RFTN1: variants seen among roughly 807,000 people sequenced by gnomAD.
The protein encoded by RFTN1 is raftlin, lipid raft linker 1, also known as raftlin.
Under a neutral mutation model 46.5 loss-of-function variants are expected in RFTN1, and 26 were observed. The observed-to-expected ratio is 0.56, with a 90% CI of 0.41 to 0.78. RFTN1 has a LOEUF of 0.78. Ranked by LOEUF, RFTN1 falls within the 30% of genes least tolerant of loss-of-function variation. The pLI is 0.00. For synonymous variants in RFTN1, 261 were observed against 284.2 expected (o/e 0.92, Z 0.82); for missense variants, 693 against 718.7 (o/e 0.96, Z 0.41).
chr3:16,418,240 T>C lies in RFTN1; in HGVS notation c.333-8757A>G, dbSNP rs1367626837. Among the ~76,000 whole-genome samples, 3 of 152,184 alleles carry C rather than the reference T, an allele frequency of 2.0e-5. No individual in the cohort carries two copies. Among genetic ancestry groups the C allele is most frequent in the Non-Finnish European group, 4.4e-5 (3 of 68,012 alleles). ...ATGGGAAGATCTAAAATGAGGCCAC[T>C]AAAAAACAATTGCCTGTCGAAAAAC... On this transcript the variant is annotated intron_variant, in intron 3 of 9. Coordinates refer to ENST00000334133, the MANE Select transcript of RFTN1 (RefSeq NM_015150.2). The surrounding 1 kb of genome is among the most constrained non-coding windows in gnomAD (Gnocchi z 5.0).
rs1014198432 is a variant in RFTN1 at position 16,468,100 on chromosome 3, A to G, written c.145+25625T>C. Among the ~76,000 whole-genome samples, 1 of 152,164 alleles carries G rather than the reference A, an allele frequency of 6.6e-6. No homozygotes were observed. Among genetic ancestry groups the G allele is most frequent in the African/African-American group, 2.4e-5 (1 of 41,446 alleles). On this transcript the variant is annotated intron_variant, in intron 2 of 9. Transcript: ENST00000334133. This position sits in a 1 kb window ranked among gnomAD's most constrained non-coding sequence, Gnocchi z 4.4. The stretch of plus-strand genomic sequence containing the variant: ...GCTTACTCAAAACATAGAAACATCA[A>G]TATGGAGACTGCAGACCCCAGAATG...
chr3:16,490,427 G>C (rs148899004), intron 2 of RFTN1, among the ~76,000 whole-genome samples: 3 of 152,156 alleles, frequency 2.0e-5, no homozygotes, highest in South Asian at 2.1e-4. Flanking sequence ...CAGTGGGCAC[G>C]ACACACTGTC....
rs149938773 is a variant in RFTN1 at position 16,418,580 on chromosome 3, A to G, written c.333-9097T>C. Among the ~76,000 whole-genome samples the G allele has an allele frequency of 2.6e-5, 4 of 152,354 alleles. No individual in the cohort carries two copies. The highest frequency in any genetic ancestry group is 9.6e-5 in the African/African-American group (4 of 41,584). ...AAAAAAATACTAAACGTCAGTTGACAAAAACAAATTCTCTATCTCTGGGAA... is the reference window on the plus strand; with the variant it reads ...AAAAAAATACTAAACGTCAGTTGACGAAAACAAATTCTCTATCTCTGGGAA... On this transcript the variant is annotated intron_variant, in intron 3 of 9. Coordinates refer to ENST00000334133, the MANE Select transcript of RFTN1 (RefSeq NM_015150.2). This position sits in a 1 kb window ranked among gnomAD's most constrained non-coding sequence, Gnocchi z 5.0.
At chr3:16,471,802 T>A (rs2076200655) in intron 2 of RFTN1, among the ~76,000 whole-genome samples, 1 of 152,242 alleles carries the variant, frequency 6.6e-6, no homozygotes, top group Non-Finnish European at 1.5e-5. Context: ...TATTTTATTT[T>A]TAAACTATTT....
chr3:16,463,142 T>G (rs1306816229), intron 2 of RFTN1, among the ~76,000 whole-genome samples: 1 of 152,220 alleles, frequency 6.6e-6, no homozygotes, highest in Non-Finnish European at 1.5e-5. Context: ...TTCTTTTTAT[T>G]TATTATGCTT....
intron 5 of RFTN1, among the ~76,000 whole-genome samples, chr3:16,373,729 T>C (rs1244764943): frequency 6.6e-6 from 1 of 152,168 alleles, no homozygotes; most frequent in East Asian, 1.9e-4. Flanking sequence ...GGTCATTAGC[T>C]GCATTGGAAG....
In RFTN1 at chr3:16,316,780, G is replaced by A; in HGVS notation, c.*48C>T. 1 of 1,608,774 alleles carries A rather than the reference G, an allele frequency of 6.2e-7. No homozygotes were observed. Among genetic ancestry groups the A allele is most frequent in the Non-Finnish European group, 8.5e-7 (1 of 1,176,744 alleles). ...CCCCCAAACCAGCTGTTGGTAAGATGCCTTGGGTTTGGCAACTCACCTAGT... is the reference window on the plus strand; with the variant it reads ...CCCCCAAACCAGCTGTTGGTAAGATACCTTGGGTTTGGCAACTCACCTAGT... On this transcript the variant is annotated 3_prime_UTR_variant, in exon 10 of 10. Coordinates refer to ENST00000334133, the MANE Select transcript of RFTN1 (RefSeq NM_015150.2). This position sits in a 1 kb window ranked among gnomAD's most constrained non-coding sequence, Gnocchi z 4.5.
intron 5 of RFTN1, chr3:16,371,071 GTC>G (rs1246025129): frequency 6.6e-6 from 1 of 152,214 alleles, no homozygotes; most frequent in Non-Finnish European, 1.5e-5. Context: ...AAGTCTGAGA[GTC>G]TATTTTTGTG....
rs1250547113 is a variant in RFTN1 at position 16,440,194 on chromosome 3, T to C, written c.146-6157A>G. Among the ~76,000 whole-genome samples, 2 of 151,978 alleles carry C rather than the reference T, an allele frequency of 1.3e-5. No homozygotes were observed. Among genetic ancestry groups the C allele is most frequent in the African/African-American group, 4.8e-5 (2 of 41,370 alleles). ...TTTCTCCACTTTCTAATCTGTCAGG[T>C]TCTATAGTTTTTATCTACAGTGATC... is the stretch of plus-strand genomic sequence containing the variant. On this transcript the variant is annotated intron_variant, in intron 2 of 9. Coordinates refer to ENST00000334133, the MANE Select transcript of RFTN1 (RefSeq NM_015150.2). The surrounding 1 kb of genome is among the most constrained non-coding windows in gnomAD (Gnocchi z 4.6).
At chr3:16,366,825 C>T (rs796783233) in intron 6 of RFTN1, among the ~76,000 whole-genome samples, 2 of 148,590 alleles carry the variant, frequency 1.3e-5, no homozygotes, top group East Asian at 4.0e-4. Context: ...ATGGTCATCA[C>T]TATGCCCCTC....
rs2073672217 is a variant in RFTN1 at position 16,374,614 on chromosome 3, T to C, written c.826+3104A>G. ...TTTCTAAGCATTTTAAGTGAGGAGG[T>C]GCAGGGTAGGAAGGGCAGTGCTTGG... On this transcript the variant is annotated intron_variant, in intron 5 of 9. Transcript: ENST00000334133. This position sits in a 1 kb window ranked among gnomAD's most constrained non-coding sequence, Gnocchi z 5.4. 6.6e-6 allele frequency among the ~76,000 whole-genome samples: 1 copy of C among 152,058 alleles called. No homozygotes were observed.
chr3:16,474,622 T>C lies in RFTN1; in HGVS notation c.145+19103A>G, dbSNP rs2076252940. 6.6e-6 allele frequency among the ~76,000 whole-genome samples: 1 copy of C among 151,892 alleles called. No homozygotes were observed. Among genetic ancestry groups the C allele is most frequent in the Admixed American group, 6.6e-5 (1 of 15,254 alleles). On this transcript the variant is annotated intron_variant, in intron 2 of 9. Transcript: ENST00000334133. This position sits in a 1 kb window ranked among gnomAD's most constrained non-coding sequence, Gnocchi z 5.5. ...AGAGGTGAAGAAAAAAAAAATAGGC[T>C]CCCCTCCAATGCAATTTTTAAACCA...
Position 16,483,448 on chromosome 3 carries a change from CT to C in RFTN1, c.145+10276del, listed in dbSNP as rs1667889376. Among the ~76,000 whole-genome samples the C allele has an allele frequency of 6.6e-6, 1 of 152,170 alleles. No homozygotes were observed. The highest frequency in any genetic ancestry group is 2.4e-5 in the African/African-American group (1 of 41,440). Reference sequence around the variant, plus strand: ...AGACTTAAGCTGAGTCTGTTGACACCTGTTCTGTAGTGTCAACTGTAGGTGG... The same window carrying C: ...AGACTTAAGCTGAGTCTGTTGACACCGTTCTGTAGTGTCAACTGTAGGTGG... On this transcript the variant is annotated intron_variant, in intron 2 of 9. Coordinates refer to ENST00000334133, the MANE Select transcript of RFTN1 (RefSeq NM_015150.2). This position sits in a 1 kb window ranked among gnomAD's most constrained non-coding sequence, Gnocchi z 4.8.
chr3:16,386,185 A>T (rs1183353172), intron 4 of RFTN1, among the ~76,000 whole-genome samples: 5 of 138,558 alleles, frequency 3.6e-5, no homozygotes, highest in Non-Finnish European at 7.8e-5. Flanking sequence ...ATCTGTGCAT[A>T]CAGAAATGAT....
rs1333865897 is a variant in RFTN1, at chr3:16,474,654, C to G, written c.145+19071G>C. Among the ~76,000 whole-genome samples, 1 of 152,130 alleles carries G rather than the reference C, an allele frequency of 6.6e-6. No individual in the cohort carries two copies. The highest frequency in any genetic ancestry group is 6.5e-5 in the Admixed American group (1 of 15,284). ...CAATGCAATTTTTAAACCACTGATT[C>G]ACCATGCAATGCAGTGTTAAAGTCA... On this transcript the variant is annotated intron_variant, in intron 2 of 9. Coordinates refer to ENST00000334133, the MANE Select transcript of RFTN1 (RefSeq NM_015150.2). This position sits in a 1 kb window ranked among gnomAD's most constrained non-coding sequence, Gnocchi z 5.5.
At chr3:16,396,618 T>C (rs774461318) in intron 4 of RFTN1, among the ~76,000 whole-genome samples, 1 of 152,008 alleles carries the variant, frequency 6.6e-6, no homozygotes, top group African/African-American at 2.4e-5. Flanking sequence ...CCATTAGAGG[T>C]TTCATTGAGG....
rs1050626 is a variant in RFTN1, at chr3:16,315,897, G to T, written c.*931C>A. On this transcript the variant is annotated 3_prime_UTR_variant, in exon 10 of 10. Transcript: ENST00000334133. The stretch of plus-strand genomic sequence containing the variant: ...TATTGCCGTAAGTAACTAAACAAGA[G>T]AAGAGACAGGCTGTGGGTTTGGTCA... 2.6e-5 allele frequency: 4 copies of T among 152,364 alleles called. No homozygotes were observed. The highest frequency in any genetic ancestry group is 9.6e-5 in the African/African-American group (4 of 41,580). 9.4% of individuals were successfully genotyped at this position (152,364 alleles called of 1,614,324 possible).
At chr3:16,434,411 C>A (rs2075461616) in intron 2 of RFTN1, among the ~76,000 whole-genome samples, 1 of 132,306 alleles carries the variant, frequency 7.6e-6, no homozygotes, top group Non-Finnish European at 1.7e-5. Flanking sequence ...AAAAAACCCC[C>A]TCAAAATTAG....
rs2125293581 is a variant in RFTN1 at position 16,342,781 on chromosome 3, C to T, written c.1146+15151G>A. On this transcript the variant is annotated intron_variant, in intron 7 of 9. Coordinates refer to ENST00000334133, the MANE Select transcript of RFTN1 (RefSeq NM_015150.2). This position sits in a 1 kb window ranked among gnomAD's most constrained non-coding sequence, Gnocchi z 4.0. ...AAAGCTCTGTGTCAACATGCATGCCCAGCTTATTCAAGTTGGAAGGGGTCA... is the reference window on the plus strand; with the variant it reads ...AAAGCTCTGTGTCAACATGCATGCCTAGCTTATTCAAGTTGGAAGGGGTCA... Among the ~76,000 whole-genome samples, 1 of 152,310 alleles carries T rather than the reference C, an allele frequency of 6.6e-6. No individual in the cohort carries two copies. Among genetic ancestry groups the T allele is most frequent in the South Asian group, 2.1e-4 (1 of 4,830 alleles).
Sources: allele counts gnomAD v4.1 joint callset (sites outside exome capture counted in the v4.1 genomes callset), GRCh38; gene constraint gnomAD v4.1.1; non-coding constraint Gnocchi (gnomAD v3.1); transcripts MANE v1.5; gene names NCBI Gene and HGNC (gene_info 2026-07-23, HGNC 2026-07-21).